USH2A: variants seen among roughly 807,000 people sequenced by gnomAD.
USH2A encodes Usher syndrome 2A (autosomal recessive, mild).
Under a neutral mutation model 538.9 loss-of-function variants are expected in USH2A, and 443 were observed. That is an observed-to-expected ratio of 0.82 (90% CI 0.76 to 0.89). The LOEUF (loss-of-function observed/expected upper bound fraction) is 0.89, where lower values mean the gene tolerates loss of function less well. Ranked by LOEUF, USH2A falls within the 40% of genes least tolerant of loss-of-function variation. The pLI is 0.00. For missense variants in USH2A, 6,633 were observed against 6,324.8 expected (o/e 1.05, Z -1.65); for synonymous variants, 2,413 against 2,273.5 (o/e 1.06, Z -1.75).
chr1:216,040,842 T>C (rs1196398691), intron 32 of USH2A, among the ~76,000 whole-genome samples: 1 of 151,924 alleles, frequency 6.6e-6, no homozygotes, highest in African/African-American at 2.4e-5. Flanking sequence ...AAATCTGTTA[T>C]GGGACAGAAA....
intron 11 of USH2A, among the ~76,000 whole-genome samples, chr1:216,264,995 C>A (rs1221695150): frequency 1.3e-5 from 2 of 152,048 alleles, no homozygotes; most frequent in East Asian, 3.9e-4. Context: ...TGCTTCAGGA[C>A]ATTGGTCTGG....
chr1:216,092,870 A>C (rs1402363690), intron 22 of USH2A, among the ~76,000 whole-genome samples: 1 of 152,142 alleles, frequency 6.6e-6, no homozygotes, highest in East Asian at 1.9e-4. Context: ...AAACTCAAGC[A>C]GTTTTACCTT....
intron 32 of USH2A, among the ~76,000 whole-genome samples, chr1:216,030,188 T>A (rs1373946390): frequency 7.1e-6 from 1 of 141,568 alleles, no homozygotes; most frequent in Admixed American, 7.4e-5. Flanking sequence ...ATAATATATA[T>A]GATATATAGA....
In USH2A at chr1:215,687,488, C is replaced by T. The variant is rs182181004; in HGVS notation, c.12067-7112G>A. ...GACAAATTGGCTGTATCAATTTAACCTATAAAGCAAAAGCTAGAGTTATTG... is the reference window on the plus strand; with the variant it reads ...GACAAATTGGCTGTATCAATTTAACTTATAAAGCAAAAGCTAGAGTTATTG... On this transcript the variant is annotated intron_variant, in intron 61 of 71. Coordinates refer to ENST00000307340, the MANE Select transcript of USH2A (RefSeq NM_206933.4). Among the ~76,000 whole-genome samples, 279 of 151,940 alleles carry T rather than the reference C, an allele frequency of 1.8e-3. 5 individuals are homozygous for T. Among genetic ancestry groups the T allele is most frequent in the Admixed American group, 0.014 (215 of 15,248 alleles).
At chr1:216,358,068 G>A (rs2038421484) in intron 4 of USH2A, among the ~76,000 whole-genome samples, 2 of 152,090 alleles carry the variant, frequency 1.3e-5, no homozygotes, top group Non-Finnish European at 2.9e-5. Flanking sequence ...CATGCATTTG[G>A]TCCATTGATT....
chr1:215,750,734 A>G (rs1660600998), intron 58 of USH2A, among the ~76,000 whole-genome samples: 1 of 152,198 alleles, frequency 6.6e-6, no homozygotes, highest in Non-Finnish European at 1.5e-5. Flanking sequence ...ACTCACACCC[A>G]TGAGGGTCAG....
chr1:216,195,342 T>C (rs1157165547), intron 19 of USH2A, among the ~76,000 whole-genome samples: 1 of 152,116 alleles, frequency 6.6e-6, no homozygotes, highest in Non-Finnish European at 1.5e-5. Context: ...CTCATACCTA[T>C]GACCCATGGG....
intron 43 of USH2A, 63 bp from the exon 44 acceptor site, chr1:215,867,233 A>G: frequency 6.4e-7 from 1 of 1,551,686 alleles, no homozygotes; most frequent in Non-Finnish European, 8.8e-7. Context: ...TCTAACAAAT[A>G]ATTTCTTTTT....
At chr1:216,408,523 C>CA (rs1161908720) in intron 3 of USH2A, among the ~76,000 whole-genome samples, 1 of 152,056 alleles carries the variant, frequency 6.6e-6, no homozygotes, top group East Asian at 1.9e-4. Context: ...CAATAACTAT[C>CA]AAAATAGAAT....
intron 21 of USH2A, among the ~76,000 whole-genome samples, chr1:216,132,762 A>C (rs1395292266): frequency 6.6e-6 from 1 of 152,070 alleles, no homozygotes; most frequent in Non-Finnish European, 1.5e-5. Context: ...AGGAACTCTC[A>C]TGGTGGCATT....
At chr1:215,978,392 T>C (rs1250838098) in intron 35 of USH2A, among the ~76,000 whole-genome samples, 1 of 152,170 alleles carries the variant, frequency 6.6e-6, no homozygotes, top group Non-Finnish European at 1.5e-5. Context: ...TTTCCTCTTC[T>C]AAAATTTTTA....
At chr1:215,639,124 T>C in intron 69 of USH2A, 31 bp downstream of exon 69, 1 of 1,602,686 alleles carries the variant, frequency 6.2e-7, no homozygotes, top group South Asian at 1.1e-5. Context: ...GATGAATAGG[T>C]GCTACGCCAA....
chr1:216,183,786 G>A (rs909295306), intron 20 of USH2A, among the ~76,000 whole-genome samples: 1 of 151,966 alleles, frequency 6.6e-6, no homozygotes, highest in Admixed American at 6.6e-5. Context: ...TTACTGCCAT[G>A]CAATGAATTT....
chr1:215,659,153 G>A (rs992850717), intron 64 of USH2A, among the ~76,000 whole-genome samples: 2 of 152,212 alleles, frequency 1.3e-5, no homozygotes, highest in African/African-American at 4.8e-5. Context: ...TGATGAGATT[G>A]TAGGGTGATA....
chr1:216,291,182 A>T (rs1181519093), intron 10 of USH2A, among the ~76,000 whole-genome samples: 1 of 152,092 alleles, frequency 6.6e-6, no homozygotes, highest in Non-Finnish European at 1.5e-5. Flanking sequence ...TCATGGCTCC[A>T]GAGTCCTCTA....
chr1:216,377,558 C>T (rs1486928956), intron 3 of USH2A, among the ~76,000 whole-genome samples: 1 of 151,792 alleles, frequency 6.6e-6, no homozygotes, highest in Admixed American at 6.6e-5. Context: ...GAACTTCATA[C>T]TGGTAATTAC....
intron 61 of USH2A, among the ~76,000 whole-genome samples, chr1:215,680,736 C>T (rs1178593160): frequency 2.0e-5 from 3 of 151,916 alleles, no homozygotes; most frequent in Non-Finnish European, 2.9e-5. Flanking sequence ...TCAGTGGTGC[C>T]AAGCTGCATG....
rs751207398 is a variant in USH2A at position 215,845,848 on chromosome 1, G to C, written c.9031C>G (p.Leu3011Val). 6.2e-7 allele frequency: 1 copy of C among 1,613,824 alleles called. No individual in the cohort carries two copies. Among genetic ancestry groups the C allele is most frequent in the Non-Finnish European group, 8.5e-7 (1 of 1,179,864 alleles). Reference sequence around the variant, plus strand: ...CCCCCATCGCAAGTGGTTGCATGAAGTCCTGCACTGTTGATGCTGTGGACT... The same window carrying C: ...CCCCCATCGCAAGTGGTTGCATGAACTCCTGCACTGTTGATGCTGTGGACT... ...NGVHSINSAG[L>V]HATTCDGEPQ... Residue 3011 changes from leucine to valine, a missense_variant, in exon 45 of 72, where the codon CTT becomes GTT. Physicochemically the swap from Leu to Val is conservative, Grantham distance 32. Transcript: ENST00000307340.
At chr1:215,863,545 A>G (rs1664386524) in intron 44 of USH2A, among the ~76,000 whole-genome samples, 1 of 152,166 alleles carries the variant, frequency 6.6e-6, no homozygotes, top group Non-Finnish European at 1.5e-5. Flanking sequence ...TTGCCCTCTT[A>G]ATGATGATAC....
Sources: allele counts gnomAD v4.1 joint callset (sites outside exome capture counted in the v4.1 genomes callset), GRCh38; gene constraint gnomAD v4.1.1; transcripts MANE v1.5; gene names NCBI Gene and HGNC (gene_info 2026-07-23, HGNC 2026-07-21).